SPATS2: variants seen among roughly 807,000 people sequenced by gnomAD.
SPATS2 encodes the protein spermatogenesis-associated serine-rich protein 2.
In SPATS2, 38 loss-of-function variants were observed where a neutral mutation model predicts 63.7. The observed-to-expected ratio is 0.60, with a 90% CI of 0.46 to 0.78. The LOEUF is 0.78. Ranked by LOEUF, SPATS2 falls within the 30% of genes least tolerant of loss-of-function variation. The probability of loss-of-function intolerance (pLI) is 0.00; values close to 1 mark genes in which losing one functional copy is unlikely to be tolerated. For synonymous variants in SPATS2, 207 were observed against 232.9 expected, an observed-to-expected ratio of 0.89 and a Z score of 1.01; for missense variants, 588 against 666.2, an observed-to-expected ratio of 0.88 and a Z score of 1.29.
At chr12:49,514,677 C>T in intron 10 of SPATS2, 64 bp downstream of exon 10, 1 of 1,450,250 alleles carries the variant, frequency 6.9e-7, no homozygotes, top group Non-Finnish European at 9.5e-7. Flanking sequence ...TACTTCCCAA[C>T]CCTTATAACA....
At chr12:49,395,600 A>G (rs2137270491) in intron 2 of SPATS2, among the ~76,000 whole-genome samples, 1 of 150,736 alleles carries the variant, frequency 6.6e-6, no homozygotes, top group Admixed American at 6.6e-5. Context: ...ATTTTTTTGT[A>G]TTTTTATTAG....
chr12:49,391,378 G>T (rs1421258263), intron 2 of SPATS2, among the ~76,000 whole-genome samples: 1 of 152,194 alleles, frequency 6.6e-6, no homozygotes, highest in Admixed American at 6.5e-5. Context: ...TGGTCGTGGA[G>T]GCGTGTGCCT....
At chr12:49,450,591 T>C (rs1200168954) in intron 2 of SPATS2, among the ~76,000 whole-genome samples, 1 of 152,146 alleles carries the variant, frequency 6.6e-6, no homozygotes, top group African/African-American at 2.4e-5. Flanking sequence ...TTGCCCAGGC[T>C]GGAGCGCAAT....
In SPATS2 at chr12:49,431,009, G is replaced by A. The variant is rs567008687; in HGVS notation, c.-243-29761G>A. ...GCTGGGGTCTTTTTAAAAAGGGTGC[G>A]CTATTAATTTTTTTGAACAGATAAG... On this transcript the variant is annotated intron_variant, in intron 2 of 13. Transcript: ENST00000552918. Among the ~76,000 whole-genome samples the A allele has an allele frequency of 2.4e-4, 36 of 152,130 alleles. No homozygotes were observed. In the South Asian group the frequency reaches 5.0e-3, roughly 21 times the overall value.
At chr12:49,442,636 G>T in intron 2 of SPATS2, 1 of 153,768 alleles carries the variant, frequency 6.5e-6, no homozygotes. Flanking sequence ...AGCAAGTTTA[G>T]GTGACAACCT....
chr12:49,513,641 ATG>A (rs1379859982), intron 9 of SPATS2, among the ~76,000 whole-genome samples: 2 of 152,142 alleles, frequency 1.3e-5, no homozygotes, highest in Admixed American at 1.3e-4. Context: ...AGTTACTATT[ATG>A]TGTTTCTCAG....
chr12:49,436,947 C>T (rs1188675956), intron 2 of SPATS2, among the ~76,000 whole-genome samples: 2 of 139,262 alleles, frequency 1.4e-5, no homozygotes, highest in African/African-American at 5.5e-5. Context: ...GGGCGGCTGG[C>T]CGGGCAGGGG....
At chr12:49,511,885 T>C (rs538778290) in intron 9 of SPATS2, among the ~76,000 whole-genome samples, 1 of 152,336 alleles carries the variant, frequency 6.6e-6, no homozygotes, top group Non-Finnish European at 1.5e-5. Context: ...ACTAACTTTT[T>C]ATTATTAAAA....
At position 49,371,234 on chromosome 12, in the gene SPATS2, G is replaced by T. The variant is rs1352422363; in HGVS notation, c.-300G>T. The T allele has an allele frequency of 1.3e-5, 2 of 152,090 alleles. No homozygotes were observed. The highest frequency in any genetic ancestry group is 2.9e-5 in the Non-Finnish European group (2 of 68,022). The allele number at this position is 152,090 out of a possible 1,614,324, so 9.4% of individuals were successfully genotyped here. On this transcript the variant is annotated 5_prime_UTR_variant, in exon 2 of 14. Coordinates refer to ENST00000552918, the MANE Select transcript of SPATS2 (RefSeq NM_023071.4). ...TTTCTCTTTCTCTACCCAGCTGCTGGCTACCAATATTCTACTTTCTGTCTC... is the reference window on the plus strand; with the variant it reads ...TTTCTCTTTCTCTACCCAGCTGCTGTCTACCAATATTCTACTTTCTGTCTC...
At chr12:49,503,418 G>C (rs1384919090) in intron 9 of SPATS2, among the ~76,000 whole-genome samples, 1 of 151,696 alleles carries the variant, frequency 6.6e-6, no homozygotes, top group East Asian at 1.9e-4. Flanking sequence ...GGGAGGCCGA[G>C]GCGGGTGGAT....
chr12:49,464,797 C>G (rs1451695348), intron 3 of SPATS2, among the ~76,000 whole-genome samples: 2 of 152,114 alleles, frequency 1.3e-5, no homozygotes, highest in Non-Finnish European at 2.9e-5. Flanking sequence ...ACACTCTAGC[C>G]TGGGTGACAG....
At position 49,461,019 on chromosome 12, in the gene SPATS2, AG is replaced by A; in HGVS notation, c.9del (p.Lys4AsnfsTer29). ...TGAGATCGAAGAAACGACAATGTCC[AG>A]GAAACAGAACCAGAAGGGTAAGATT... is the stretch of plus-strand genomic sequence containing the variant. MS[R>X]KQNQKDSSGF... On this transcript the variant is annotated frameshift_variant, in exon 3 of 14. Coordinates refer to ENST00000552918, the MANE Select transcript of SPATS2 (RefSeq NM_023071.4). LOFTEE classifies it high-confidence loss of function. 6.2e-7 allele frequency: 1 copy of A among 1,613,976 alleles called. No individual in the cohort carries two copies.
At chr12:49,431,236 AATAT>A (rs1265388173) in intron 2 of SPATS2, among the ~76,000 whole-genome samples, 1 of 151,936 alleles carries the variant, frequency 6.6e-6, no homozygotes, top group African/African-American at 2.4e-5. Flanking sequence ...TCACTTAATA[AATAT>A]ATAAAGAACT....
At chr12:49,384,436 G>A (rs1565695295) in intron 2 of SPATS2, among the ~76,000 whole-genome samples, 1 of 152,084 alleles carries the variant, frequency 6.6e-6, no homozygotes, top group Non-Finnish European at 1.5e-5. Context: ...CCCCATACAT[G>A]GTACTGTTCT....
intron 2 of SPATS2, among the ~76,000 whole-genome samples, chr12:49,395,722 G>A (rs982053946): frequency 2.6e-5 from 4 of 152,144 alleles, no homozygotes; most frequent in Admixed American, 6.5e-5. Context: ...CACTGTGCCC[G>A]ACCCAGATTG....
intron 10 of SPATS2, among the ~76,000 whole-genome samples, chr12:49,516,157 AAAAAAAAAAATATAT>A (rs1483028354): frequency 0.11 from 4,695 of 43,864 alleles, 527 homozygotes; most frequent in African/African-American, 0.2. Context: ...AAAAAAAAAA[AAAAAAAAAAATATAT>A]ATATATATAT....
chr12:49,518,475 T>C (rs1385120720), intron 10 of SPATS2, among the ~76,000 whole-genome samples: 1 of 152,196 alleles, frequency 6.6e-6, no homozygotes, highest in African/African-American at 2.4e-5. Context: ...ATCCACATAC[T>C]GGGTGGCTGT....
chr12:49,394,911 A>T (rs1000194211), intron 2 of SPATS2, among the ~76,000 whole-genome samples: 1 of 141,924 alleles, frequency 7.0e-6, no homozygotes, highest in Non-Finnish European at 1.5e-5. Flanking sequence ...TACTAAAAAT[A>T]CAAAAAAAAA....
At chr12:49,455,987 C>T (rs1945712533) in intron 2 of SPATS2, among the ~76,000 whole-genome samples, 2 of 152,162 alleles carry the variant, frequency 1.3e-5, no homozygotes, top group African/African-American at 2.4e-5. Flanking sequence ...TTTGCTTGCA[C>T]CAACCATGAC....
Sources: gnomAD v4.1 joint callset for allele counts (sites outside exome capture counted in the v4.1 genomes callset) on GRCh38, gnomAD v4.1.1 for gene constraint, MANE v1.5 for transcripts, NCBI Gene and HGNC (gene_info 2026-07-23, HGNC 2026-07-21) for gene names.